ZNF621: variants seen among roughly 807,000 people sequenced by gnomAD.
ZNF621 encodes zinc finger protein 621.
In ZNF621, 6 loss-of-function variants were observed where a neutral mutation model predicts 12.7. The observed-to-expected ratio is 0.47, with a 90% CI of 0.26 to 0.93. ZNF621 has a LOEUF of 0.93. Ranked by LOEUF, ZNF621 falls within the 40% of genes least tolerant of loss-of-function variation. ZNF621 has a pLI of 0.15. For synonymous variants in ZNF621, 156 were observed against 190.3 expected (o/e 0.82, Z 1.48); for missense variants, 474 against 524.0 (o/e 0.90, Z 0.93).
rs1698796340 is a variant in ZNF621 at position 40,533,752 on chromosome 3, T to G, written c.*662T>G. Reference sequence around the variant, plus strand: ...CAGCCTGGGAGAAACATACAAGACCTGTGGCTACTGGTAGAGAATTGGAAT... The same window carrying G: ...CAGCCTGGGAGAAACATACAAGACCGGTGGCTACTGGTAGAGAATTGGAAT... On this transcript the variant is annotated 3_prime_UTR_variant, in exon 5 of 5. Coordinates refer to ENST00000339296, the MANE Select transcript of ZNF621 (RefSeq NM_198484.5). 1 of 152,626 alleles carries G rather than the reference T, an allele frequency of 6.6e-6. No individual in the cohort carries two copies. The highest frequency in any genetic ancestry group is 1.5e-5 in the Non-Finnish European group (1 of 68,412). The allele number at this position is 152,626 out of a possible 1,614,324, so 9.5% of individuals were successfully genotyped here. A position where few individuals can be genotyped will look rare whatever the true frequency, so the allele number is the denominator to read the frequency against.
In ZNF621 at chr3:40,525,848, A is replaced by G; in HGVS notation, c.8A>G (p.Gln3Arg). The G allele has an allele frequency of 1.9e-6, 3 of 1,613,982 alleles. No homozygotes were observed. Among genetic ancestry groups the G allele is most frequent in the East Asian group, 4.5e-5 (2 of 44,876 alleles). Residue 3 changes from glutamine (Q) to arginine (R), a missense_variant, in exon 2 of 5, where the codon CAA (glutamine) becomes CGA (arginine). Transcript: ENST00000339296. ML[Q>R]TTWPQESVTF... ...AGCCAGGGGACATCCGCCATGCTCC[A>G]AACAACTTGGCCTCAGGTGAGCTGA...
chr3:40,523,595 C>T (rs1216074277), upstream of ZNF621, among the ~76,000 whole-genome samples: 4 of 152,118 alleles, frequency 2.6e-5, no homozygotes, highest in Non-Finnish European at 5.9e-5. Flanking sequence ...GAAAACCCGT[C>T]TCTACTAAAA....
chr3:40,531,573 A>G (rs917806301), intron 4 of ZNF621, among the ~76,000 whole-genome samples: 2 of 151,242 alleles, frequency 1.3e-5, no homozygotes, highest in South Asian at 2.1e-4. Context: ...TTATTTTTCT[A>G]TTTTTTTAAG....
chr3:40,527,936 C>G (rs764582476), intron 2 of ZNF621, among the ~76,000 whole-genome samples: 18 of 152,202 alleles, frequency 1.2e-4, no homozygotes, highest in Non-Finnish European at 2.6e-4. Flanking sequence ...ACAAAACACA[C>G]AACCTTCTTC....
At position 40,532,587 on chromosome 3, in the gene ZNF621, G is replaced by A. The variant is rs538804516; in HGVS notation, c.817G>A (p.Gly273Ser). ...YKCKECWKAF[G>S]CRSLFIVHQR... ...ATGTAAGGAATGTTGGAAAGCTTTC[G>A]GTTGTAGGTCACTTTTTATTGTCCA... Residue 273 changes from glycine to serine, a missense_variant, in exon 5 of 5, where the codon GGT (glycine) becomes AGT (serine). Transcript: ENST00000339296. The A allele has an allele frequency of 8.1e-6, 13 of 1,613,800 alleles. No homozygotes were observed. The highest frequency in any genetic ancestry group is 1.7e-4 in the Middle Eastern group (1 of 6,060).
chr3:40,539,430 A>G lies in ZNF621; in HGVS notation c.*6340A>G, dbSNP rs1698950165. On this transcript the variant is annotated 3_prime_UTR_variant, in exon 5 of 5. Coordinates refer to ENST00000339296, the MANE Select transcript of ZNF621 (RefSeq NM_198484.5). Reference sequence around the variant, plus strand: ...ATCGTTAACATCTTTTAGCAATAAAATATTTTTAAATTAAAGTATGTACAT... The same window carrying G: ...ATCGTTAACATCTTTTAGCAATAAAGTATTTTTAAATTAAAGTATGTACAT... 6.6e-6 allele frequency: 1 copy of G among 152,286 alleles called. No individual in the cohort carries two copies. Among genetic ancestry groups the G allele is most frequent in the South Asian group, 2.1e-4 (1 of 4,838 alleles). The allele number at this position is 152,286 out of a possible 1,614,324, so 9.4% of individuals were successfully genotyped here.
In ZNF621 at chr3:40,532,809, C is replaced by T; in HGVS notation, c.1039C>T (p.Pro347Ser). ...HQKLHPVEKK[P>S]VKVLGPSLVS... ...GAAATTGCACCCTGTGGAGAAGAAG[C>T]CAGTCAAGGTCCTTGGGCCATCCCT... The change falls in exon 5 of 5, where the codon CCA becomes TCA. Residue 347 changes from proline to serine, a missense_variant. Transcript: ENST00000339296. The T allele has an allele frequency of 1.2e-6, 2 of 1,614,184 alleles. No individual in the cohort carries two copies. The highest frequency in any genetic ancestry group is 1.7e-6 in the Non-Finnish European group (2 of 1,180,030).
chr3:40,526,463 C>T (rs1384179531), intron 2 of ZNF621, among the ~76,000 whole-genome samples: 1 of 152,204 alleles, frequency 6.6e-6, no homozygotes, highest in Non-Finnish European at 1.5e-5. Flanking sequence ...TGAGCCACCG[C>T]ACTAGCTTGA....
chr3:40,530,465 C>A, intron 4 of ZNF621, 149 bp downstream of exon 4: 1 of 637,536 alleles, frequency 1.6e-6, no homozygotes. Context: ...TGAGTTCTGA[C>A]CCTGAGCTTT....
At chr3:40,526,777 A>T (rs1430852523) in intron 2 of ZNF621, among the ~76,000 whole-genome samples, 2 of 152,212 alleles carry the variant, frequency 1.3e-5, no homozygotes, top group Admixed American at 1.3e-4. Flanking sequence ...TACATATTAA[A>T]AAGATTTTCC....
chr3:40,526,040 T>A (rs1182170703), intron 2 of ZNF621, among the ~76,000 whole-genome samples, 176 bp downstream of exon 2: 1 of 152,096 alleles, frequency 6.6e-6, no homozygotes, highest in Non-Finnish European at 1.5e-5. Context: ...GAAATGAAAG[T>A]TTTGTGTATA....
At chr3:40,530,899 A>AACACATGCACACACGCAC (rs1311553953) in intron 4 of ZNF621, among the ~76,000 whole-genome samples, 2 of 152,078 alleles carry the variant, frequency 1.3e-5, no homozygotes, top group East Asian at 3.9e-4. Context: ...CATACACACA[A>AACACATGCACACACGCAC]ACACATGCAC....
rs1325795910 is a variant in ZNF621, at chr3:40,532,399, A to G, written c.629A>G (p.Lys210Arg). The G allele has an allele frequency of 6.2e-7, 1 of 1,613,800 alleles. No homozygotes were observed. The highest frequency in any genetic ancestry group is 1.7e-5 in the Admixed American group (1 of 60,022). The change falls in exon 5 of 5, where the codon AAG (lysine) becomes AGG (arginine). Residue 210 changes from lysine (K) to arginine (R), a missense_variant. By Grantham distance (26) the Lys-to-Arg change is conservative. Transcript: ENST00000339296. ...ATTGGAGAAGGGCCCTATGAATGTAAGGAGTGTGGCAAAGGTTTGAGTTCC... is the reference window on the plus strand; with the variant it reads ...ATTGGAGAAGGGCCCTATGAATGTAGGGAGTGTGGCAAAGGTTTGAGTTCC... Reference protein sequence around the residue: ...NHIGEGPYECKECGKGLSSNT... With the variant: ...NHIGEGPYECRECGKGLSSNT...
intron 2 of ZNF621, among the ~76,000 whole-genome samples, chr3:40,527,544 C>A (rs1260869961): frequency 6.6e-6 from 1 of 152,110 alleles, no homozygotes. Context: ...GTTGGCCAGG[C>A]TGCATTTTAC....
chr3:40,529,708 C>A (rs2125674255), intron 3 of ZNF621: 1 of 829,890 alleles, frequency 1.2e-6, no homozygotes, highest in Non-Finnish European at 1.8e-6. Context: ...CTGCAGCCTC[C>A]AACTCCTGGG....
chr3:40,532,164 C>T lies in ZNF621; in HGVS notation c.394C>T (p.Leu132=), dbSNP rs781597618. ...SQHFDFKRKA[L]KQTFNLNPNL... ...GCACTTTGATTTTAAAAGGAAGGCA[C>T]TGAAGCAGACTTTCAATCTAAATCC... Residue 132 remains leucine, a synonymous_variant, in exon 5 of 5, where the codon CTG becomes TTG. Coordinates refer to ENST00000339296, the MANE Select transcript of ZNF621 (RefSeq NM_198484.5). 1.2e-6 allele frequency: 2 copies of T among 1,614,176 alleles called. No individual in the cohort carries two copies. The highest frequency in any genetic ancestry group is 1.7e-6 in the Non-Finnish European group (2 of 1,180,044).
chr3:40,527,977 T>C (rs556108509), intron 2 of ZNF621, among the ~76,000 whole-genome samples: 1 of 152,256 alleles, frequency 6.6e-6, no homozygotes, highest in Non-Finnish European at 1.5e-5. Flanking sequence ...GAGTAACACG[T>C]TTGTGACAAG....
Position 40,528,879 on chromosome 3 carries a change from A to G in ZNF621, c.25-440A>G, listed in dbSNP as rs1698651827. Among the ~76,000 whole-genome samples, 3 of 152,194 alleles carry G rather than the reference A, an allele frequency of 2.0e-5. No homozygotes were observed. The South Asian group carries it at 6.2e-4, about 32-fold the overall frequency. Reference sequence around the variant, plus strand: ...GAGTTCTTTGTACATTTTGGATAATAGTGCTTTATCAGATATGTCTTCAGC... The same window carrying G: ...GAGTTCTTTGTACATTTTGGATAATGGTGCTTTATCAGATATGTCTTCAGC... On this transcript the variant is annotated intron_variant, in intron 2 of 4. Coordinates refer to ENST00000339296, the MANE Select transcript of ZNF621 (RefSeq NM_198484.5).
In ZNF621 at chr3:40,529,319, G is replaced by A; in HGVS notation, c.25G>A (p.Glu9Lys). Residue 9 changes from glutamate to lysine, a missense_variant and splice_region_variant, in exon 3 of 5, where the codon GAG becomes AAG. Coordinates refer to ENST00000339296, the MANE Select transcript of ZNF621 (RefSeq NM_198484.5). ...ATTGAGCAGGAACCTGTTGTTTCAG[G>A]AGTCAGTGACCTTTGAGGATGTGGC... MLQTTWPQESVTFEDVAVY... is the reference protein window; with the variant it reads MLQTTWPQKSVTFEDVAVY... The A allele has an allele frequency of 6.2e-7, 1 of 1,613,004 alleles. No homozygotes were observed.
Sources: gnomAD v4.1 joint callset for allele counts (sites outside exome capture counted in the v4.1 genomes callset) on GRCh38, gnomAD v4.1.1 for gene constraint, MANE v1.5 for transcripts, NCBI Gene and HGNC (gene_info 2026-07-23, HGNC 2026-07-21) for gene names.